Variants in TMEM131L observed in about 807,000 individuals in gnomAD.
The protein encoded by TMEM131L is transmembrane protein 131-like.
TMEM131L carries 54 observed loss-of-function variants against 192.2 expected under a neutral mutation model. The observed-to-expected ratio is 0.28, with a 90% CI of 0.23 to 0.35. The LOEUF is 0.35. TMEM131L is among the 10% of genes least tolerant of loss of function. The probability of loss-of-function intolerance (pLI) is 1.00; values close to 1 mark genes in which losing one functional copy is unlikely to be tolerated. For missense variants in TMEM131L, 1,888 were observed against 1,972.9 expected (o/e 0.96, Z 0.82); for synonymous variants, 701 against 704.9 (o/e 0.99, Z 0.09).
chr4:153,534,933 G>A (rs1736200293), intron 3 of TMEM131L, among the ~76,000 whole-genome samples: 1 of 152,228 alleles, frequency 6.6e-6, no homozygotes, highest in African/African-American at 2.4e-5. Context: ...TGGAGTTGGT[G>A]AGGTCACAGG....
chr4:153,481,830 G>A (rs1192173263), intron 3 of TMEM131L, among the ~76,000 whole-genome samples: 3 of 152,116 alleles, frequency 2.0e-5, no homozygotes, highest in East Asian at 3.9e-4. Context: ...GAGCCACTGC[G>A]CCTGGCCCAG....
intron 11 of TMEM131L, among the ~76,000 whole-genome samples, chr4:153,584,521 C>T (rs1412972235): frequency 6.6e-6 from 1 of 152,180 alleles, no homozygotes; most frequent in Non-Finnish European, 1.5e-5. Context: ...TGGTCAGCTC[C>T]CTTTTGCTCT....
At chr4:153,593,656 G>C in intron 18 of TMEM131L, 143 bp from the exon 19 acceptor site, 1 of 613,766 alleles carries the variant, frequency 1.6e-6, no homozygotes. Flanking sequence ...ATGTCGGGTG[G>C]ACAGGATGGG....
chr4:153,535,420 A>G (rs1417971903), intron 3 of TMEM131L, among the ~76,000 whole-genome samples: 2 of 152,076 alleles, frequency 1.3e-5, no homozygotes. Context: ...TTCACGTTGG[A>G]TCAGATAAGC....
chr4:153,586,905 T>G (rs1434772507), intron 14 of TMEM131L, among the ~76,000 whole-genome samples: 1 of 152,188 alleles, frequency 6.6e-6, no homozygotes. Flanking sequence ...CTTAAATATG[T>G]CTCTTTCTTT....
chr4:153,607,957 G>A (rs1292473624), intron 25 of TMEM131L, among the ~76,000 whole-genome samples: 2 of 152,028 alleles, frequency 1.3e-5, no homozygotes, highest in South Asian at 2.1e-4. Flanking sequence ...ATGTATAGTA[G>A]CCAAATGTAG....
chr4:153,591,261 A>G, intron 17 of TMEM131L, 67 bp downstream of exon 17: 1 of 1,427,180 alleles, frequency 7.0e-7, no homozygotes, highest in Middle Eastern at 1.9e-4. Flanking sequence ...TCAAAGTACC[A>G]GATTGTGTCC....
intron 29 of TMEM131L, 148 bp from the exon 30 acceptor site, chr4:153,625,999 A>G (rs1232559253): frequency 5.1e-6 from 3 of 592,586 alleles, no homozygotes; most frequent in African/African-American, 1.9e-5. Context: ...TTCATGTTTA[A>G]TGTTTAATTA....
chr4:153,627,801 C>G (rs967177521), intron 31 of TMEM131L, 114 bp downstream of exon 31: 3 of 763,058 alleles, frequency 3.9e-6, no homozygotes, highest in Non-Finnish European at 6.5e-6. Context: ...GCCATTTCCC[C>G]ACCAGCCCCT....
rs200957200 is a variant in TMEM131L, at chr4:153,612,381, A to G, written c.3548A>G (p.Gln1183Arg). 1.2e-5 allele frequency: 19 copies of G among 1,592,966 alleles called. No homozygotes were observed. The highest frequency in any genetic ancestry group is 1.5e-5 in the Non-Finnish European group (18 of 1,174,218). The change falls in exon 26 of 35, where the codon CAG becomes CGG. Residue 1183 changes from glutamine to arginine, a missense_variant. By Grantham distance (43) the Gln-to-Arg change is conservative (BLOSUM62 1). Transcript: ENST00000409959. ...AGAGAAGACATGTTTTCTGAGAAAC[A>G]GGACATACCTTTCGTAGAGGTCTGT... ...TSREDMFSEK[Q>R]DIPFVEQEDP...
intron 26 of TMEM131L, among the ~76,000 whole-genome samples, chr4:153,612,877 A>T (rs1732732966): frequency 6.6e-6 from 1 of 152,202 alleles, no homozygotes; most frequent in East Asian, 1.9e-4. Flanking sequence ...TCAAAAGGGG[A>T]CAATGTGTAC....
At chr4:153,580,153 C>T (rs975952792) in intron 7 of TMEM131L, among the ~76,000 whole-genome samples, 5 of 152,204 alleles carry the variant, frequency 3.3e-5, no homozygotes, top group Non-Finnish European at 5.9e-5. Context: ...CCCCACCCTC[C>T]TACCCAAGGT....
At chr4:153,562,321 C>T (rs994896902) in intron 7 of TMEM131L, among the ~76,000 whole-genome samples, 11 of 152,180 alleles carry the variant, frequency 7.2e-5, no homozygotes, top group Non-Finnish European at 1.5e-4. Context: ...CAGGCATGAG[C>T]CACCGCACCC....
chr4:153,569,185 G>A lies in TMEM131L; in HGVS notation c.660+10817G>A, dbSNP rs73856918. The stretch of plus-strand genomic sequence containing the variant: ...GGAAAGAGAAGCCTCTCATTGTGAC[G>A]TCCTTGGTTTCTGTGCTCTTGACCC... On this transcript the variant is annotated intron_variant, in intron 7 of 34. Coordinates refer to ENST00000409959, the MANE Select transcript of TMEM131L (RefSeq NM_001131007.2). Among the ~76,000 whole-genome samples, 1,146 of 152,108 alleles carry A rather than the reference G, an allele frequency of 7.5e-3. 14 individuals carry two copies. Among genetic ancestry groups the A allele is most frequent in the African/African-American group, 0.026 (1,070 of 41,474 alleles).
intron 3 of TMEM131L, among the ~76,000 whole-genome samples, chr4:153,521,819 A>G (rs183265556): frequency 6.7e-6 from 1 of 149,602 alleles, no homozygotes. Context: ...CATTTAGCGT[A>G]ATGTCTTCAA....
intron 7 of TMEM131L, among the ~76,000 whole-genome samples, chr4:153,580,593 TTA>T (rs1219501677): frequency 6.6e-6 from 1 of 152,222 alleles, no homozygotes; most frequent in African/African-American, 2.4e-5. Flanking sequence ...GAGGGAGAAC[TTA>T]TGATTTTCAT....
intron 3 of TMEM131L, among the ~76,000 whole-genome samples, chr4:153,490,078 A>G (rs1449946501): frequency 1.3e-5 from 2 of 152,164 alleles, no homozygotes; most frequent in South Asian, 2.1e-4. Context: ...TGCTTGAATC[A>G]TAGATGAGTC....
chr4:153,538,924 C>T (rs938062647), intron 3 of TMEM131L, among the ~76,000 whole-genome samples: 2 of 152,126 alleles, frequency 1.3e-5, no homozygotes, highest in African/African-American at 2.4e-5. Context: ...CGGCGCGATA[C>T]TTCGGCTTTC....
intron 4 of TMEM131L, among the ~76,000 whole-genome samples, chr4:153,554,677 G>T (rs756402260): frequency 3.3e-5 from 5 of 152,008 alleles, no homozygotes; most frequent in Non-Finnish European, 7.4e-5. Flanking sequence ...TTATTTCTAG[G>T]CCATCCGAAT....
Sources: allele counts gnomAD v4.1 joint callset (sites outside exome capture counted in the v4.1 genomes callset), GRCh38; gene constraint gnomAD v4.1.1; transcripts MANE v1.5; gene names NCBI Gene and HGNC (gene_info 2026-07-23, HGNC 2026-07-21).